Variants in LAMA5 observed in about 807,000 individuals in gnomAD.
LAMA5 encodes the protein laminin subunit alpha-5.
In LAMA5, 260 loss-of-function variants were observed where a neutral mutation model predicts 433.4. The ratio of observed to expected loss-of-function variants is 0.60; its 90% confidence interval spans 0.54 to 0.66. The LOEUF (loss-of-function observed/expected upper bound fraction) is 0.66, where lower values mean the gene tolerates loss of function less well. Ranked by LOEUF, LAMA5 falls within the 30% of genes least tolerant of loss-of-function variation. The probability of loss-of-function intolerance (pLI) is 0.00; values close to 1 mark genes in which losing one functional copy is unlikely to be tolerated. For missense variants in LAMA5, 5,378 were observed against 5,258.5 expected (o/e 1.02, Z -0.70); for synonymous variants, 2,620 against 2,226.6 (o/e 1.18, Z -4.97).
intron 52 of LAMA5, 96 bp downstream of exon 52, chr20:62,318,747 G>T: frequency 6.4e-7 from 1 of 1,569,846 alleles, no homozygotes. Context: ...TCTGCCCCGT[G>T]ATGCCCACCT....
At chr20:62,346,370 G>GTGGCCTGGGAGGCTCCTTCCTGGGC (rs1983367838) in intron 9 of LAMA5, 136 bp downstream of exon 9, 47 of 1,353,668 alleles carry the variant, frequency 3.5e-5, no homozygotes, top group Non-Finnish European at 4.5e-5. Context: ...GACCCGCCCC[G>GTGGCCTGGGAGGCTCCTTCCTGGGC]TGGCCTGGGA....
At chr20:62,342,162 G>A (rs1982693448) in intron 11 of LAMA5, 2 of 211,698 alleles carry the variant, frequency 9.4e-6, no homozygotes, top group Non-Finnish European at 9.9e-6. Flanking sequence ...AATTGGCCAG[G>A]CGTGGTGGCA....
rs1485761909 is a variant in LAMA5 at position 62,322,064 on chromosome 20, C to A, written c.6451G>T (p.Val2151Leu). The A allele has an allele frequency of 6.2e-7, 1 of 1,600,184 alleles. No homozygotes were observed. Among genetic ancestry groups the A allele is most frequent in the Non-Finnish European group, 8.5e-7 (1 of 1,179,438 alleles). The change falls in exon 48 of 80, where the codon GTG (valine) becomes TTG (leucine). Residue 2151 changes from valine to leucine, a missense_variant. By Grantham distance (32) the Val-to-Leu change is conservative. Coordinates refer to ENST00000252999, the MANE Select transcript of LAMA5 (RefSeq NM_005560.6). The part of the protein sequence containing the change: ...RCDTCSQQHQ[V>L]PVPGGPVGHS... The stretch of plus-strand genomic sequence containing the variant: ...CCCACAGGCCCGCCTGGAACAGGCA[C>A]CTGATGCTGCTGGCTGCAGGTGTCG...
In LAMA5 at chr20:62,326,469, G is replaced by A. The variant is rs907875310; in HGVS notation, c.5298+208C>T. 17 of 547,776 alleles carry A rather than the reference G, an allele frequency of 3.1e-5. No homozygotes were observed. In the Admixed American group the frequency reaches 3.6e-4, roughly 12 times the overall value. The allele number at this position is 547,776 out of a possible 1,614,324, so 33.9% of individuals were successfully genotyped here. A position where few individuals can be genotyped will look rare whatever the true frequency, so the allele number is the denominator to read the frequency against. ...GGGATCAGGGACTCACAAAGCAGGT[G>A]GGAAGACAGCATGACACCCCCCAGG... is the stretch of plus-strand genomic sequence containing the variant. On this transcript the variant is annotated intron_variant, in intron 40 of 79. Transcript: ENST00000252999.
chr20:62,337,038 T>A, intron 16 of LAMA5: 2 of 658,318 alleles, frequency 3.0e-6, no homozygotes, highest in South Asian at 3.0e-5. Context: ...CCCGTGTACA[T>A]TCCACACGCA....
chr20:62,316,328 G>C (rs1281825011), intron 57 of LAMA5: 1 of 561,482 alleles, frequency 1.8e-6, no homozygotes, highest in Non-Finnish European at 3.2e-6. Flanking sequence ...CAGCCCTCTG[G>C]TCCTAGCAGC....
chr20:62,342,034 G>A (rs536663168), intron 11 of LAMA5, among the ~76,000 whole-genome samples: 1 of 152,308 alleles, frequency 6.6e-6, no homozygotes, highest in African/African-American at 2.4e-5. Context: ...CAGGCGTGGT[G>A]GCTCATGCCT....
intron 32 of LAMA5, among the ~76,000 whole-genome samples, chr20:62,329,487 C>G (rs1979947161): frequency 6.6e-6 from 1 of 152,208 alleles, no homozygotes; most frequent in South Asian, 2.1e-4. Flanking sequence ...CCTGGTGTCT[C>G]CCACATCTCT....
rs771848491 is a variant in LAMA5, at chr20:62,311,556, G to C, written c.9807-20C>G. 3.5e-5 allele frequency: 56 copies of C among 1,609,868 alleles called. No individual in the cohort carries two copies. The highest frequency in any genetic ancestry group is 4.6e-5 in the Non-Finnish European group (54 of 1,178,576). Reference sequence around the variant, plus strand: ...AGGAGCCTGTGCAGGGCGGGCAGGCGGTCAGCAGCTGCGGAAGGCCAGCTG... The same window carrying C: ...AGGAGCCTGTGCAGGGCGGGCAGGCCGTCAGCAGCTGCGGAAGGCCAGCTG... On this transcript the variant is annotated intron_variant, in intron 71 of 79. Coordinates refer to ENST00000252999, the MANE Select transcript of LAMA5 (RefSeq NM_005560.6).
chr20:62,328,282 C>G lies in LAMA5; in HGVS notation c.4611G>C (p.Glu1537Asp). The G allele has an allele frequency of 1.9e-6, 3 of 1,608,438 alleles. No individual in the cohort carries two copies. Among genetic ancestry groups the G allele is most frequent in the Non-Finnish European group, 2.5e-6 (3 of 1,178,192 alleles). Residue 1537 changes from glutamate (E) to aspartate (D), a missense_variant, in exon 35 of 80, where the codon GAG becomes GAC. Physicochemically the swap from Glu to Asp is conservative, Grantham distance 45 (BLOSUM62 2). Coordinates refer to ENST00000252999, the MANE Select transcript of LAMA5 (RefSeq NM_005560.6). Reference sequence around the variant, plus strand: ...CTGTGTCACAGGTAGGGTCTGTGAGCTCCTGGATGCCGGGCCCTGAGCAGT... The same window carrying G: ...CTGTGTCACAGGTAGGGTCTGTGAGGTCCTGGATGCCGGGCCCTGAGCAGT... ...ECNCSGPGIQ[E>D]LTDPTCDTDS...
intron 11 of LAMA5, among the ~76,000 whole-genome samples, chr20:62,340,460 C>T (rs961804373): frequency 2.0e-5 from 3 of 151,568 alleles, no homozygotes; most frequent in Non-Finnish European, 2.9e-5. Context: ...TACAGGCATG[C>T]GCCACCATGC....
chr20:62,324,417 C>A lies in LAMA5; in HGVS notation c.5643+24G>T. 1 of 1,577,210 alleles carries A rather than the reference C, an allele frequency of 6.3e-7. No homozygotes were observed. The highest frequency in any genetic ancestry group is 1.1e-5 in the South Asian group (1 of 89,326). On this transcript the variant is annotated intron_variant, in intron 42 of 79. Transcript: ENST00000252999. This position sits in a 1 kb window ranked among gnomAD's most constrained non-coding sequence, Gnocchi z 4.4. ...TGTGCCTTCAGTGAATGCTGCCCCCCTGGCCCCACCAGCCCCTACTCACCA... is the reference window on the plus strand; with the variant it reads ...TGTGCCTTCAGTGAATGCTGCCCCCATGGCCCCACCAGCCCCTACTCACCA...
intron 57 of LAMA5, 23 bp from the exon 58 acceptor site, chr20:62,316,081 T>C: frequency 6.4e-7 from 1 of 1,554,076 alleles, no homozygotes; most frequent in Non-Finnish European, 8.8e-7. Flanking sequence ...CAGCTTCAGC[T>C]CCCAGGCAGC....
chr20:62,323,294 G>T (rs551647329), intron 45 of LAMA5, among the ~76,000 whole-genome samples, 162 bp downstream of exon 45: 2 of 151,850 alleles, frequency 1.3e-5, no homozygotes, highest in Admixed American at 1.3e-4. Context: ...GGATCATAGC[G>T]GGGGAGAAAG....
rs115306720 is a variant in LAMA5, at chr20:62,309,417, C to T, written c.11007G>A (p.Ala3669=). The T allele has an allele frequency of 4.8e-3, 7,560 of 1,584,286 alleles. 283 individuals carry two copies. In the African/African-American group the frequency reaches 0.085, roughly 18 times the overall value. ...PAYCGCMRRL[A]VNRSPVAMTR... Reference sequence around the variant, plus strand: ...TCATGGCGACGGGGGACCGGTTCACCGCCAGCCTCCTCATGCAGCCGCAGT... The same window carrying T: ...TCATGGCGACGGGGGACCGGTTCACTGCCAGCCTCCTCATGCAGCCGCAGT... Residue 3669 remains alanine (A), a synonymous_variant, in exon 80 of 80, where the codon GCG becomes GCA. Transcript: ENST00000252999.
chr20:62,323,948 G>A (rs912465464), intron 43 of LAMA5, 92 bp from the exon 44 acceptor site: 30 of 1,445,922 alleles, frequency 2.1e-5, no homozygotes, highest in Admixed American at 1.2e-4. Flanking sequence ...CACGCCAGGC[G>A]TCGGGGGCCC....
chr20:62,309,126 T>A lies in LAMA5; in HGVS notation c.*210A>T. Reference sequence around the variant, plus strand: ...CCAGTGATGATTGGTGACAAATCTCTCACAATTAAAAATGGGTGGAAGGGC... The same window carrying A: ...CCAGTGATGATTGGTGACAAATCTCACACAATTAAAAATGGGTGGAAGGGC... On this transcript the variant is annotated 3_prime_UTR_variant, in exon 80 of 80. Transcript: ENST00000252999. 1 of 621,008 alleles carries A rather than the reference T, an allele frequency of 1.6e-6. No homozygotes were observed. The highest frequency in any genetic ancestry group is 2.3e-5 in the South Asian group (1 of 42,872). The allele number at this position is 621,008 out of a possible 1,614,324, so 38.5% of individuals were successfully genotyped here.
intron 45 of LAMA5, among the ~76,000 whole-genome samples, chr20:62,323,184 T>C (rs1258373947): frequency 6.8e-6 from 1 of 148,096 alleles, no homozygotes; most frequent in Admixed American, 6.7e-5. Flanking sequence ...GAGGGTCTGA[T>C]TGTAGTAGGG....
chr20:62,354,451 C>A (rs746487340), intron 2 of LAMA5, among the ~76,000 whole-genome samples: 1 of 151,860 alleles, frequency 6.6e-6, no homozygotes, highest in Admixed American at 6.6e-5. Context: ...TGCACCCACC[C>A]GACATGACCG....
Sources: allele counts gnomAD v4.1 joint callset (sites outside exome capture counted in the v4.1 genomes callset), GRCh38; gene constraint gnomAD v4.1.1; non-coding constraint Gnocchi (gnomAD v3.1); transcripts MANE v1.5; gene names NCBI Gene and HGNC (gene_info 2026-07-23, HGNC 2026-07-21).